The following CRACD variants were observed in gnomAD, a reference collection of about 807,000 sequenced individuals.
CRACD encodes capping protein-inhibiting regulator of actin dynamics.
In CRACD, 56 loss-of-function variants were observed where a neutral mutation model predicts 106.8. That is an observed-to-expected ratio of 0.52 (90% CI 0.42 to 0.66). CRACD has a LOEUF of 0.66. CRACD is among the 30% of genes least tolerant of loss of function. The pLI, the probability that CRACD is intolerant of heterozygous loss-of-function variation, is 0.00. For missense variants in CRACD, 1,730 were observed against 1,623.2 expected (o/e 1.07, Z -1.13); for synonymous variants, 754 against 670.8 (o/e 1.12, Z -1.92).
intron 2 of CRACD, among the ~76,000 whole-genome samples, chr4:56,215,574 G>A (rs1269080803): frequency 1.3e-5 from 2 of 152,138 alleles, no homozygotes; most frequent in African/African-American, 4.8e-5. Flanking sequence ...ACTGGACTAT[G>A]AGCTCTTGAG....
intron 1 of CRACD, among the ~76,000 whole-genome samples, chr4:56,173,264 C>T (rs1301890171): frequency 1.3e-5 from 2 of 152,224 alleles, no homozygotes; most frequent in Non-Finnish European, 2.9e-5. Context: ...CCTTCTCCTT[C>T]AAAACATGCA....
intron 2 of CRACD, among the ~76,000 whole-genome samples, chr4:56,222,476 G>A (rs1739096979): frequency 6.6e-6 from 1 of 152,062 alleles, no homozygotes; most frequent in Non-Finnish European, 1.5e-5. Flanking sequence ...TGAAATCTCA[G>A]AATTCACCAC....
chr4:56,280,528 C>G (rs192748286), intron 3 of CRACD, among the ~76,000 whole-genome samples: 3 of 152,220 alleles, frequency 2.0e-5, no homozygotes, highest in Non-Finnish European at 4.4e-5. Context: ...CTCACAACTT[C>G]CTTGACCTTT....
chr4:56,246,897 G>A (rs1460007323), intron 2 of CRACD, among the ~76,000 whole-genome samples: 1 of 152,140 alleles, frequency 6.6e-6, no homozygotes, highest in Non-Finnish European at 1.5e-5. Context: ...GTAGTACTTA[G>A]GCACTGGTAT....
chr4:56,314,990 G>A lies in CRACD; in HGVS notation c.1488G>A (p.Gly496=). Residue 496 remains glycine, a synonymous_variant, in exon 8 of 11, where the codon GGG becomes GGA. Coordinates refer to ENST00000682029, the MANE Select transcript of CRACD (RefSeq NM_001393381.1). The surrounding 1 kb of genome is among the most constrained non-coding windows in gnomAD (Gnocchi z 4.4). ...CGGAGCCTCTCCTGAAACAAGAGGGGCCGGTGGAAGCCGCGCAGCCTCCGG... is the reference window on the plus strand; with the variant it reads ...CGGAGCCTCTCCTGAAACAAGAGGGACCGGTGGAAGCCGCGCAGCCTCCGG... ...GDTEPLLKQE[G]PVEAAQPPVE... 1.3e-6 allele frequency: 2 copies of A among 1,584,958 alleles called. No individual in the cohort carries two copies. The highest frequency in any genetic ancestry group is 1.7e-6 in the Non-Finnish European group (2 of 1,166,808).
intron 1 of CRACD, among the ~76,000 whole-genome samples, chr4:56,164,375 C>A (rs929852152): frequency 6.6e-6 from 1 of 151,134 alleles, no homozygotes; most frequent in Non-Finnish European, 1.5e-5. Flanking sequence ...ACCTCGTGAT[C>A]CACCTGCCTC....
chr4:56,202,645 TAATG>T (rs1737938841), intron 2 of CRACD, among the ~76,000 whole-genome samples: 1 of 152,202 alleles, frequency 6.6e-6, no homozygotes, highest in Non-Finnish European at 1.5e-5. Flanking sequence ...GAACAAACTT[TAATG>T]AATAGGTTTT....
At chr4:56,068,625 C>T (rs1313345701) in intron 1 of CRACD, among the ~76,000 whole-genome samples, 1 of 152,118 alleles carries the variant, frequency 6.6e-6, no homozygotes, top group Non-Finnish European at 1.5e-5. Flanking sequence ...AGAGAAGGGT[C>T]AGATTCTGGA....
Position 56,061,475 on chromosome 4 carries a change from A to C in CRACD, c.-336+12176A>C, listed in dbSNP as rs983850481. Among the ~76,000 whole-genome samples, 9 of 151,984 alleles carry C rather than the reference A, an allele frequency of 5.9e-5. No individual in the cohort carries two copies. The East Asian group carries it at 1.7e-3, about 29-fold the overall frequency. Reference sequence around the variant, plus strand: ...ACATGAGCGCCACTATGCCTGGCCCAAATATCTCATGTATTAGGTGAAAGA... The same window carrying C: ...ACATGAGCGCCACTATGCCTGGCCCCAATATCTCATGTATTAGGTGAAAGA... On this transcript the variant is annotated intron_variant, in intron 1 of 10. Transcript: ENST00000682029.
intron 1 of CRACD, among the ~76,000 whole-genome samples, chr4:56,153,942 A>G (rs1735677710): frequency 6.6e-6 from 1 of 152,174 alleles, no homozygotes; most frequent in South Asian, 2.1e-4. Flanking sequence ...GTTATTCACT[A>G]TCAAAATCCT....
At chr4:56,208,828 G>C (rs1206241935) in intron 2 of CRACD, among the ~76,000 whole-genome samples, 1 of 152,104 alleles carries the variant, frequency 6.6e-6, no homozygotes, top group Non-Finnish European at 1.5e-5. Context: ...AGGGTCACAG[G>C]TCATCATAAA....
At chr4:56,134,888 C>T (rs959762820) in intron 1 of CRACD, among the ~76,000 whole-genome samples, 2 of 151,596 alleles carry the variant, frequency 1.3e-5, no homozygotes, top group Non-Finnish European at 2.9e-5. Flanking sequence ...GAGAGTAGAA[C>T]TTGACCTGTA....
At chr4:56,129,601 G>A (rs1202089516) in intron 1 of CRACD, among the ~76,000 whole-genome samples, 1 of 152,192 alleles carries the variant, frequency 6.6e-6, no homozygotes, top group Non-Finnish European at 1.5e-5. Flanking sequence ...TGGTGCCTAG[G>A]TGATGGTCAC....
intron 1 of CRACD, among the ~76,000 whole-genome samples, chr4:56,060,363 A>C (rs187547385): frequency 6.6e-6 from 1 of 152,096 alleles, no homozygotes; most frequent in Admixed American, 6.5e-5. Flanking sequence ...GTGCTGTGAG[A>C]GCACAGGGGA....
Position 56,328,022 on chromosome 4 carries a change from CAA to C in CRACD, c.*219_*220del. Reference sequence around the variant, plus strand: ...GGTGCCTCGAGCTCCTCCTAGTTCTCAAGAGAAAATTCCGTCCACAGGACCAC... The same window carrying C: ...GGTGCCTCGAGCTCCTCCTAGTTCTCGAGAAAATTCCGTCCACAGGACCAC... On this transcript the variant is annotated 3_prime_UTR_variant, in exon 11 of 11. Coordinates refer to ENST00000682029, the MANE Select transcript of CRACD (RefSeq NM_001393381.1). 2.1e-6 allele frequency: 1 copy of C among 465,406 alleles called. No homozygotes were observed. The highest frequency in any genetic ancestry group is 3.8e-6 in the Non-Finnish European group (1 of 262,382). The allele number at this position is 465,406 out of a possible 1,614,324, so 28.8% of individuals were successfully genotyped here. A position where few individuals can be genotyped will look rare whatever the true frequency, so the allele number is the denominator to read the frequency against.
intron 1 of CRACD, among the ~76,000 whole-genome samples, chr4:56,131,704 G>A (rs780011199): frequency 1.3e-5 from 2 of 152,056 alleles, no homozygotes; most frequent in Non-Finnish European, 2.9e-5. Context: ...TGTTGTAGAA[G>A]TAATACAGTC....
chr4:56,080,011 C>T (rs1193295460), intron 1 of CRACD, among the ~76,000 whole-genome samples: 1 of 151,972 alleles, frequency 6.6e-6, no homozygotes, highest in African/African-American at 2.4e-5. Flanking sequence ...ATTAGCTGAG[C>T]GTTTCATATT....
intron 1 of CRACD, among the ~76,000 whole-genome samples, chr4:56,126,030 C>G (rs116818359): frequency 0.017 from 2,660 of 152,136 alleles, 73 homozygotes; most frequent in African/African-American, 0.059. Flanking sequence ...CCTCGGCCTC[C>G]CAAAATGCTG....
intron 2 of CRACD, among the ~76,000 whole-genome samples, chr4:56,264,630 C>T (rs7439800): frequency 0.26 from 39,806 of 151,966 alleles, 5,378 homozygotes; most frequent in African/African-American, 0.27. Context: ...ATCACAGGGT[C>T]CTGAGGCAAC....
Sources: allele counts gnomAD v4.1 joint callset (sites outside exome capture counted in the v4.1 genomes callset), GRCh38; gene constraint gnomAD v4.1.1; non-coding constraint Gnocchi (gnomAD v3.1); transcripts MANE v1.5; gene names NCBI Gene and HGNC (gene_info 2026-07-23, HGNC 2026-07-21).